Variants in TENM4 observed in about 807,000 individuals in gnomAD.
TENM4 encodes teneurin transmembrane protein 4.
Under a neutral mutation model 243.3 loss-of-function variants are expected in TENM4, and 82 were observed. That is an observed-to-expected ratio of 0.34 (90% CI 0.28 to 0.40). TENM4 has a LOEUF of 0.40. Ranked by LOEUF, TENM4 falls within the 10% of genes least tolerant of loss-of-function variation. TENM4 has a pLI of 1.00. For missense variants in TENM4, 3,138 were observed against 3,673.3 expected, an observed-to-expected ratio of 0.85 and a Z score of 3.77; for synonymous variants, 1,412 against 1,456.3, an observed-to-expected ratio of 0.97 and a Z score of 0.69.
At chr11:79,161,738 G>A (rs1862750017) in intron 3 of TENM4, among the ~76,000 whole-genome samples, 1 of 152,226 alleles carries the variant, frequency 6.6e-6, no homozygotes, top group Admixed American at 6.5e-5. Flanking sequence ...GCAACAACTT[G>A]TTCTCTGTGA....
intron 12 of TENM4, among the ~76,000 whole-genome samples, chr11:78,830,193 A>AC (rs1390230408): frequency 1.3e-5 from 2 of 151,990 alleles, no homozygotes; most frequent in African/African-American, 4.8e-5. Flanking sequence ...TATTCCTAGA[A>AC]CCCCCCGGGG....
intron 1 of TENM4, among the ~76,000 whole-genome samples, chr11:79,402,819 T>C (rs1184553800): frequency 6.6e-6 from 1 of 152,244 alleles, no homozygotes; most frequent in Non-Finnish European, 1.5e-5. Flanking sequence ...AAGTTGTCAA[T>C]ATTAGAATTT....
intron 14 of TENM4, among the ~76,000 whole-genome samples, chr11:78,811,569 A>AACACAC (rs749041202): frequency 0.026 from 1,687 of 65,066 alleles, 37 homozygotes; most frequent in African/African-American, 0.065. Context: ...CATACACATG[A>AACACAC]ACACACACAC....
chr11:78,738,440 AG>A lies in TENM4; in HGVS notation c.2876+10del. 1 of 1,612,580 alleles carries A rather than the reference AG, an allele frequency of 6.2e-7. No individual in the cohort carries two copies. The highest frequency in any genetic ancestry group is 1.1e-5 in the South Asian group (1 of 90,660). On this transcript the variant is annotated intron_variant, in intron 20 of 33. Transcript: ENST00000278550. Reference sequence around the variant, plus strand: ...ACCTTCACTGTTTCTGGCTCATAGAAGGTCTCCTACCTGCCATCTTGCCTGC... The same window carrying A: ...ACCTTCACTGTTTCTGGCTCATAGAAGTCTCCTACCTGCCATCTTGCCTGC...
intron 3 of TENM4, among the ~76,000 whole-genome samples, chr11:79,214,514 T>A: frequency 6.6e-6 from 1 of 152,234 alleles, no homozygotes; most frequent in East Asian, 1.9e-4. Context: ...TCAGAAGTTA[T>A]GTAAGGTCCA....
At chr11:79,260,003 A>G (rs186420989) in intron 2 of TENM4, among the ~76,000 whole-genome samples, 1 of 152,200 alleles carries the variant, frequency 6.6e-6, no homozygotes, top group African/African-American at 2.4e-5. Flanking sequence ...TACAGTGAGC[A>G]CTGCCACCTG....
chr11:79,236,008 T>A lies in TENM4; in HGVS notation c.-264-20099A>T, dbSNP rs750789823. Among the ~76,000 whole-genome samples the A allele has an allele frequency of 2.6e-5, 4 of 152,230 alleles. No individual in the cohort carries two copies. The East Asian group carries it at 7.7e-4, about 29-fold the overall frequency. Reference sequence around the variant, plus strand: ...CGCTGCTGCCCTGTAAACAATGCGCTCCTCTTCCAAAAGTGTCTGCATTTC... The same window carrying A: ...CGCTGCTGCCCTGTAAACAATGCGCACCTCTTCCAAAAGTGTCTGCATTTC... On this transcript the variant is annotated intron_variant, in intron 2 of 33. Coordinates refer to ENST00000278550, the MANE Select transcript of TENM4 (RefSeq NM_001098816.3).
intron 15 of TENM4, among the ~76,000 whole-genome samples, chr11:78,795,174 G>A (rs1029690488): frequency 4.6e-5 from 7 of 152,196 alleles, no homozygotes; most frequent in Non-Finnish European, 1.0e-4. Context: ...GCTGGAAGGA[G>A]TTTCACCTTC....
chr11:79,367,287 T>G lies in TENM4; in HGVS notation c.-320-69744A>C, dbSNP rs1175103544. 3.9e-5 allele frequency among the ~76,000 whole-genome samples: 6 copies of G among 152,228 alleles called. No individual in the cohort carries two copies. In the East Asian group the frequency reaches 1.2e-3, roughly 29 times the overall value. On this transcript the variant is annotated intron_variant, in intron 1 of 33. Coordinates refer to ENST00000278550, the MANE Select transcript of TENM4 (RefSeq NM_001098816.3). The stretch of plus-strand genomic sequence containing the variant: ...GTTTTCTCTTTCTTACCTTCTGACC[T>G]TATATGCATGGCTACTAGAATCCCC...
At chr11:78,954,114 T>G (rs1025648480) in intron 6 of TENM4, among the ~76,000 whole-genome samples, 3 of 152,196 alleles carry the variant, frequency 2.0e-5, no homozygotes, top group Non-Finnish European at 4.4e-5. Flanking sequence ...CCACAAAGTT[T>G]CCTGGTTTAA....
chr11:78,951,961 C>T (rs971402295), intron 6 of TENM4, among the ~76,000 whole-genome samples: 3 of 152,132 alleles, frequency 2.0e-5, no homozygotes, highest in African/African-American at 7.2e-5. Context: ...CTAGGAAGTT[C>T]CCCCAACCTC....
In TENM4 at chr11:79,008,033, C is replaced by T. The variant is rs184209675; in HGVS notation, c.493+56705G>A. Among the ~76,000 whole-genome samples, 714 of 152,176 alleles carry T rather than the reference C, an allele frequency of 4.7e-3. 6 individuals are homozygous for T. The highest frequency in any genetic ancestry group is 0.024 in the Middle Eastern group (7 of 294). ...TCAGTGAATGGGATTTTTATGAGGC[C>T]GCTGGAATCAGTCTTGCATGCAGGG... On this transcript the variant is annotated intron_variant, in intron 6 of 33. Coordinates refer to ENST00000278550, the MANE Select transcript of TENM4 (RefSeq NM_001098816.3).
intron 19 of TENM4, among the ~76,000 whole-genome samples, chr11:78,745,526 G>A (rs760188295): frequency 1.6e-4 from 24 of 152,122 alleles, no homozygotes; most frequent in Non-Finnish European, 2.2e-4. Flanking sequence ...CACTGTGCCC[G>A]TCCACTGTCC....
chr11:78,690,871 C>T (rs995759656), intron 28 of TENM4, among the ~76,000 whole-genome samples: 2 of 152,198 alleles, frequency 1.3e-5, no homozygotes, highest in Non-Finnish European at 1.5e-5. Flanking sequence ...AATCCCTGTA[C>T]ATACTCTTTA....
intron 29 of TENM4, 38 bp from the exon 30 acceptor site, chr11:78,676,425 C>G (rs201284203): frequency 6.6e-7 from 1 of 1,523,914 alleles, no homozygotes; most frequent in Non-Finnish European, 8.9e-7. Context: ...TCAGAAGGAA[C>G]GAAGGTGGAG....
In TENM4 at chr11:78,658,369, G is replaced by T; in HGVS notation, c.7999C>A (p.Gln2667Lys). The change falls in exon 34 of 34, where the codon CAG (glutamine) becomes AAG (lysine). Residue 2667 changes from glutamine to lysine, a missense_variant. Around this residue, in one of 2 missense-constraint regions of TENM4, gnomAD observed 2,467 missense variants for 3,059.1 expected, o/e 0.81. Coordinates refer to ENST00000278550, the MANE Select transcript of TENM4 (RefSeq NM_001098816.3). The part of the protein sequence containing the change: ...NGRTRRYTDI[Q>K]LQYGALCLNT... ...AAGCACAGTGCCCCGTACTGGAGCT[G>T]GATGTCTGTGTAGCGTCTAGTCCTG... 6.2e-7 allele frequency: 1 copy of T among 1,613,972 alleles called. No homozygotes were observed. The highest frequency in any genetic ancestry group is 8.5e-7 in the Non-Finnish European group (1 of 1,179,860).
At chr11:79,378,884 TAAAAAA>T (rs34204961) in intron 1 of TENM4, among the ~76,000 whole-genome samples, 2 of 116,914 alleles carry the variant, frequency 1.7e-5, no homozygotes, top group African/African-American at 3.2e-5. Flanking sequence ...CCCTGTCTGT[TAAAAAA>T]AAAAAAAAAA....
At chr11:79,437,766 C>T (rs1859307291) in intron 1 of TENM4, among the ~76,000 whole-genome samples, 1 of 152,200 alleles carries the variant, frequency 6.6e-6, no homozygotes, top group African/African-American at 2.4e-5. Flanking sequence ...CTGCGGTCCC[C>T]GCCGCGACCT....
intron 21 of TENM4, among the ~76,000 whole-genome samples, chr11:78,730,342 G>A (rs991505961): frequency 2.0e-5 from 3 of 152,092 alleles, no homozygotes; most frequent in East Asian, 1.9e-4. Context: ...TTTCCTTTTC[G>A]GGAAATTAAA....
Sources: allele counts gnomAD v4.1 joint callset (sites outside exome capture counted in the v4.1 genomes callset), GRCh38; gene constraint gnomAD v4.1.1; regional missense constraint gnomAD v4.1.1; transcripts MANE v1.5; gene names NCBI Gene and HGNC (gene_info 2026-07-23, HGNC 2026-07-21).